The following SLC35F3 variants were observed in gnomAD, a reference collection of about 807,000 sequenced individuals.
SLC35F3 encodes solute carrier family 35 member F3.
Under a neutral mutation model 49.9 loss-of-function variants are expected in SLC35F3, and 25 were observed. The observed-to-expected ratio is 0.50, with a 90% confidence interval of 0.37 to 0.70. The LOEUF is 0.70. SLC35F3 is among the 30% of genes least tolerant of loss of function. The probability of loss-of-function intolerance (pLI) is 0.00; values close to 1 mark genes in which losing one functional copy is unlikely to be tolerated. For missense variants in SLC35F3, 525 were observed against 639.8 expected (o/e 0.82, Z 1.94); for synonymous variants, 275 against 265.4 (o/e 1.04, Z -0.35).
At chr1:234,176,539 C>G (rs531640139) in intron 2 of SLC35F3, among the ~76,000 whole-genome samples, 22 of 152,310 alleles carry the variant, frequency 1.4e-4, no homozygotes, top group African/African-American at 5.1e-4. Context: ...TATGAAGGAA[C>G]AGCATCTCTA....
At chr1:234,082,716 A>G (rs990245873) in intron 2 of SLC35F3, among the ~76,000 whole-genome samples, 1 of 152,226 alleles carries the variant, frequency 6.6e-6, no homozygotes, top group Non-Finnish European at 1.5e-5. Flanking sequence ...GAGGCCTCAC[A>G]ATCATGGCAG....
At chr1:234,132,334 A>G (rs12058778) in intron 2 of SLC35F3, among the ~76,000 whole-genome samples, 11,976 of 152,290 alleles carry the variant, frequency 0.079, 789 homozygotes, top group African/African-American at 0.18. Flanking sequence ...TAAATACTTC[A>G]TTGCTATAAG....
At chr1:234,081,201 A>C (rs966800426) in intron 2 of SLC35F3, among the ~76,000 whole-genome samples, 1 of 152,194 alleles carries the variant, frequency 6.6e-6, no homozygotes, top group Non-Finnish European at 1.5e-5. Flanking sequence ...GCCAATCTTC[A>C]AGTGGCATAC....
At chr1:233,924,847 G>A (rs1248811748) in intron 2 of SLC35F3, among the ~76,000 whole-genome samples, 1 of 152,108 alleles carries the variant, frequency 6.6e-6, no homozygotes, top group Admixed American at 6.6e-5. Flanking sequence ...TGTTCTCATT[G>A]GTTTCAAAGA....
In SLC35F3 at chr1:234,320,282, TCA is replaced by T; in HGVS notation, c.1237+100_1237+101del. On this transcript the variant is annotated intron_variant, in intron 7 of 7. Coordinates refer to ENST00000366618, the MANE Select transcript of SLC35F3 (RefSeq NM_173508.4). The surrounding 1 kb of genome is among the most constrained non-coding windows in gnomAD (Gnocchi z 4.8). ...CACACACTCATGCATACATACACACTCACACATACACTCACATACACACACTC... is the reference window on the plus strand; with the variant it reads ...CACACACTCATGCATACATACACACTCACATACACTCACATACACACACTC... 1 of 833,642 alleles carries T rather than the reference TCA, an allele frequency of 1.2e-6. No individual in the cohort carries two copies. Among genetic ancestry groups the T allele is most frequent in the Non-Finnish European group, 2.1e-6 (1 of 486,246 alleles). The allele number at this position is 833,642 out of a possible 1,614,324, so 51.6% of individuals were successfully genotyped here. A position where few individuals can be genotyped will look rare whatever the true frequency, so the allele number is the denominator to read the frequency against.
At position 234,083,685 on chromosome 1, in the gene SLC35F3, A is replaced by C. The variant is rs115486356; in HGVS notation, c.284-147732A>C. Among the ~76,000 whole-genome samples the C allele has an allele frequency of 1.7e-3, 257 of 152,248 alleles. 1 individual carries two copies. In the South Asian group the frequency reaches 0.019, roughly 11 times the overall value. On this transcript the variant is annotated intron_variant, in intron 2 of 7. Coordinates refer to ENST00000366618, the MANE Select transcript of SLC35F3 (RefSeq NM_173508.4). Reference sequence around the variant, plus strand: ...ACTACTTCCTAGAAATGTCTCACTCATGTAGATTTTGTTCCCAAAGCACTG... The same window carrying C: ...ACTACTTCCTAGAAATGTCTCACTCCTGTAGATTTTGTTCCCAAAGCACTG...
At position 233,941,954 on chromosome 1, in the gene SLC35F3, G is replaced by GTT. The variant is rs141578626; in HGVS notation, c.283+36202_283+36203dup. Among the ~76,000 whole-genome samples the GTT allele has an allele frequency of 9.1e-3, 1,090 of 119,952 alleles. 35 individuals are homozygous for GTT. Among genetic ancestry groups the GTT allele is most frequent in the South Asian group, 0.015 (55 of 3,604 alleles). 78.7% of individuals were successfully genotyped at this position (119,952 alleles called of 152,430 possible). A position where few individuals can be genotyped will look rare whatever the true frequency, so the allele number is the denominator to read the frequency against. The stretch of plus-strand genomic sequence containing the variant: ...CTTGTGCCTCTTGGGGTTGTTTTTT[G>GTT]TTTTTTTGTTTTTTTTTTTTTTTTT... On this transcript the variant is annotated intron_variant, in intron 2 of 7. Transcript: ENST00000366618.
intron 2 of SLC35F3, among the ~76,000 whole-genome samples, chr1:234,117,047 T>C (rs1665497843): frequency 6.6e-6 from 1 of 152,172 alleles, no homozygotes; most frequent in Non-Finnish European, 1.5e-5. Flanking sequence ...TGCCTTCTTA[T>C]TACCTGTCTT....
At chr1:233,913,625 A>G (rs118051525) in intron 2 of SLC35F3, among the ~76,000 whole-genome samples, 2 of 152,340 alleles carry the variant, frequency 1.3e-5, no homozygotes, top group East Asian at 3.9e-4. Flanking sequence ...TACTTATTAA[A>G]GGCCTAAGTG....
At chr1:234,289,159 AC>A (rs1668467671) in intron 3 of SLC35F3, among the ~76,000 whole-genome samples, 1 of 151,984 alleles carries the variant, frequency 6.6e-6, no homozygotes, top group South Asian at 2.1e-4. Flanking sequence ...GGAGAGGATC[AC>A]CCCCCTGGGG....
chr1:234,021,136 G>A (rs1456216686), intron 2 of SLC35F3, among the ~76,000 whole-genome samples: 1 of 152,104 alleles, frequency 6.6e-6, no homozygotes, highest in East Asian at 1.9e-4. Context: ...CGTCTTTGAT[G>A]CCAAGACAGA....
intron 2 of SLC35F3, among the ~76,000 whole-genome samples, chr1:233,986,812 C>T (rs1037857020): frequency 1.3e-5 from 2 of 152,186 alleles, no homozygotes; most frequent in African/African-American, 4.8e-5. Context: ...TTGGAGTCTT[C>T]TGTTCTGCTG....
intron 2 of SLC35F3, among the ~76,000 whole-genome samples, chr1:234,141,594 C>T (rs774640597): frequency 1.8e-4 from 28 of 152,140 alleles, no homozygotes; most frequent in Non-Finnish European, 3.2e-4. Flanking sequence ...ATCTATCCTC[C>T]TAACGGTGGC....
intron 2 of SLC35F3, among the ~76,000 whole-genome samples, chr1:234,040,693 G>A (rs1002904771): frequency 6.6e-6 from 1 of 152,240 alleles, no homozygotes; most frequent in Non-Finnish European, 1.5e-5. Context: ...TGGATGACAA[G>A]GCTGCATAGG....
At chr1:234,078,513 C>G (rs1664829630) in intron 2 of SLC35F3, among the ~76,000 whole-genome samples, 1 of 152,194 alleles carries the variant, frequency 6.6e-6, no homozygotes, top group African/African-American at 2.4e-5. Context: ...GTTGATCCCC[C>G]TTGCTCCTTT....
intron 7 of SLC35F3, among the ~76,000 whole-genome samples, chr1:234,321,527 C>A (rs1437280960): frequency 6.6e-6 from 1 of 152,226 alleles, no homozygotes; most frequent in Non-Finnish European, 1.5e-5. Context: ...CCGTCCTCCC[C>A]CTACATTCTT....
At chr1:233,931,928 T>C (rs112360302) in intron 2 of SLC35F3, among the ~76,000 whole-genome samples, 58 of 152,162 alleles carry the variant, frequency 3.8e-4, no homozygotes, top group African/African-American at 1.3e-3. Flanking sequence ...ATAAAGAAAA[T>C]GTGGCACATA....
chr1:234,019,993 TG>T (rs1663866714), intron 2 of SLC35F3, among the ~76,000 whole-genome samples: 1 of 152,196 alleles, frequency 6.6e-6, no homozygotes, highest in Non-Finnish European at 1.5e-5. Context: ...TGATAACTGT[TG>T]ATCCAGGAGG....
At chr1:234,200,362 C>G (rs1666884996) in intron 2 of SLC35F3, among the ~76,000 whole-genome samples, 1 of 152,088 alleles carries the variant, frequency 6.6e-6, no homozygotes, top group Admixed American at 6.6e-5. Context: ...TTCACATATT[C>G]TAGATGCTAA....
Sources: gnomAD v4.1 joint callset for allele counts (sites outside exome capture counted in the v4.1 genomes callset) on GRCh38, gnomAD v4.1.1 for gene constraint, Gnocchi (gnomAD v3.1) non-coding constraint, MANE v1.5 for transcripts, NCBI Gene and HGNC (gene_info 2026-07-23, HGNC 2026-07-21) for gene names.